The following TRIM37 variants were observed in gnomAD, a reference collection of about 807,000 sequenced individuals.
TRIM37 encodes E3 ubiquitin-protein ligase TRIM37.
TRIM37 carries 80 observed loss-of-function variants against 129.8 expected under a neutral mutation model. That is an observed-to-expected ratio of 0.62 (90% CI 0.51 to 0.74). The LOEUF is 0.74. Ranked by LOEUF, TRIM37 falls within the 30% of genes least tolerant of loss-of-function variation. The pLI is 0.00. For synonymous variants in TRIM37, 389 were observed against 387.1 expected, an observed-to-expected ratio of 1.00 and a Z score of -0.06; for missense variants, 1,054 against 1,176.5, an observed-to-expected ratio of 0.90 and a Z score of 1.52.
chr17:58,995,369 A>AG (rs2032883302), downstream of TRIM37, among the ~76,000 whole-genome samples: 1 of 151,874 alleles, frequency 6.6e-6, no homozygotes, highest in Non-Finnish European at 1.5e-5. Context: ...TGGCTGGGGT[A>AG]GGCATCTTGT....
chr17:58,982,151 T>C (rs775903030), downstream of TRIM37: 1 of 152,680 alleles, frequency 6.5e-6, no homozygotes. Context: ...GTCTGTTTAG[T>C]TGTAATTGGA....
chr17:59,001,538 G>A, intron 23 of TRIM37, 60 bp downstream of exon 23: 1 of 1,608,512 alleles, frequency 6.2e-7, no homozygotes. Flanking sequence ...AGAAGAAGAA[G>A]AAAGAGAAGC....
intron 17 of TRIM37, among the ~76,000 whole-genome samples, chr17:59,038,661 T>C (rs575773949): frequency 6.6e-6 from 1 of 152,246 alleles, no homozygotes; most frequent in South Asian, 2.1e-4. Flanking sequence ...TATACAAGAA[T>C]CTCTCTACCA....
chr17:58,974,499 T>C, the TRIM37 span, among the ~76,000 whole-genome samples: 1 of 152,204 alleles, frequency 6.6e-6, no homozygotes, highest in Non-Finnish European at 1.5e-5. Context: ...AGGGTATAAG[T>C]TCAAAGAATT....
At chr17:59,090,896 G>T (rs879936034) in intron 3 of TRIM37, among the ~76,000 whole-genome samples, 3 of 152,120 alleles carry the variant, frequency 2.0e-5, no homozygotes, top group Admixed American at 2.0e-4. Flanking sequence ...AAAGTGCTGG[G>T]ATTACAGGTA....
Position 59,064,344 on chromosome 17 carries a change from A to T in TRIM37, c.860+11T>A. ...ACATACAAAAAAACCAGAATTGTCA[A>T]AAACTCTTACCTGAAATTCTCTAAA... is the stretch of plus-strand genomic sequence containing the variant. On this transcript the variant is annotated intron_variant, in intron 10 of 23. Transcript: ENST00000262294. The T allele has an allele frequency of 6.3e-7, 1 of 1,595,716 alleles. No homozygotes were observed.
intron 13 of TRIM37, 129 bp downstream of exon 13, chr17:59,056,746 A>AAAAAAAAAAAAAT: frequency 2.1e-6 from 1 of 468,552 alleles, no homozygotes; most frequent in Non-Finnish European, 3.6e-6. Flanking sequence ...AAAAAAAAAA[A>AAAAAAAAAAAAAT]AGGTGATAAG....
intron 9 of TRIM37, among the ~76,000 whole-genome samples, chr17:59,067,660 C>T (rs143199292): frequency 1.9e-4 from 29 of 152,270 alleles, no homozygotes; most frequent in Admixed American, 5.9e-4. Flanking sequence ...CCTCAGCCTC[C>T]GGAGTAGCTG....
At position 59,032,531 on chromosome 17, in the gene TRIM37, C is replaced by CAAA. The variant is rs35442859; in HGVS notation, c.1754-444_1754-442dup. 6.2e-3 allele frequency among the ~76,000 whole-genome samples: 525 copies of CAAA among 84,208 alleles called. 3 individuals are homozygous for CAAA. Among genetic ancestry groups the CAAA allele is most frequent in the South Asian group, 7.1e-3 (16 of 2,250 alleles). The allele number at this position is 84,208 out of a possible 152,430, so 55.2% of individuals were successfully genotyped here. On this transcript the variant is annotated intron_variant, in intron 17 of 23. Coordinates refer to ENST00000262294, the MANE Select transcript of TRIM37 (RefSeq NM_015294.6). ...TGGGCGACAGAGCGAGACTCCGTCT[C>CAAA]AAAAAAAAAAAAAAAAAAAAAAGAA...
chr17:59,006,187 T>C (rs945017043), intron 22 of TRIM37, among the ~76,000 whole-genome samples: 7 of 152,174 alleles, frequency 4.6e-5, no homozygotes, highest in Non-Finnish European at 1.0e-4. Flanking sequence ...TATCAAGCAC[T>C]AAGATCTGGA....
At chr17:58,967,843 C>G in the TRIM37 span, among the ~76,000 whole-genome samples, 1 of 148,940 alleles carries the variant, frequency 6.7e-6, no homozygotes, top group Admixed American at 6.7e-5. Flanking sequence ...CTCGCTCTGT[C>G]TCCAGGCTGG....
At chr17:59,097,698 C>T (rs2045040780) in intron 2 of TRIM37, among the ~76,000 whole-genome samples, 1 of 152,084 alleles carries the variant, frequency 6.6e-6, no homozygotes, top group South Asian at 2.1e-4. Flanking sequence ...CGCATCACTG[C>T]ACTCCAGCCT....
At chr17:59,071,579 C>T (rs919874883) in intron 8 of TRIM37, among the ~76,000 whole-genome samples, 4 of 152,024 alleles carry the variant, frequency 2.6e-5, no homozygotes, top group Non-Finnish European at 5.9e-5. Context: ...GCCACCGTGC[C>T]CGACCAAGGT....
chr17:58,975,008 G>A, the TRIM37 span, among the ~76,000 whole-genome samples: 5 of 152,142 alleles, frequency 3.3e-5, no homozygotes, highest in African/African-American at 1.2e-4. Flanking sequence ...ACCCTTATAT[G>A]GAATTATTAT....
downstream of TRIM37, among the ~76,000 whole-genome samples, chr17:58,996,465 G>T (rs1172860145): frequency 1.4e-5 from 2 of 139,784 alleles, no homozygotes; most frequent in Admixed American, 1.5e-4. Flanking sequence ...GTGAGAACCT[G>T]TCTCAAAAAA....
At chr17:58,998,137 CTAA>C (rs1353236138), downstream of TRIM37, 5 of 830,580 alleles carry the variant, frequency 6.0e-6, no homozygotes, top group Non-Finnish European at 7.3e-6. Flanking sequence ...CTCTACACTA[CTAA>C]TGAGGCAATG....
Position 59,030,229 on chromosome 17 carries a change from C to CCAGGTAGCTGGGATTA in TRIM37, c.1949-1522_1949-1507dup, listed in dbSNP as rs1225229812. Among the ~76,000 whole-genome samples, 11 of 152,278 alleles carry CCAGGTAGCTGGGATTA rather than the reference C, an allele frequency of 7.2e-5. No individual in the cohort carries two copies. In the South Asian group the frequency reaches 2.3e-3, roughly 32 times the overall value. ...TAAGCCATTCTCCTGCCTCAGCTTC[C>CCAGGTAGCTGGGATTA]CAGGTAGCTGGGATTACAGGCACCT... On this transcript the variant is annotated intron_variant, in intron 18 of 23. Coordinates refer to ENST00000262294, the MANE Select transcript of TRIM37 (RefSeq NM_015294.6).
At chr17:59,000,789 G>T (rs1006336861) in intron 23 of TRIM37, among the ~76,000 whole-genome samples, 1 of 151,988 alleles carries the variant, frequency 6.6e-6, no homozygotes, top group Non-Finnish European at 1.5e-5. Flanking sequence ...CTTACAGTAG[G>T]CTAGAAAAGG....
intron 22 of TRIM37, among the ~76,000 whole-genome samples, chr17:59,003,744 T>G (rs188813206): frequency 6.6e-6 from 1 of 150,910 alleles, no homozygotes; most frequent in African/African-American, 2.4e-5. Context: ...ACATCAATGA[T>G]GAGATGACAC....
Sources: gnomAD v4.1 joint callset for allele counts (sites outside exome capture counted in the v4.1 genomes callset) on GRCh38, gnomAD v4.1.1 for gene constraint, MANE v1.5 for transcripts, NCBI Gene and HGNC (gene_info 2026-07-23, HGNC 2026-07-21) for gene names.